The following IGF1R variants were observed in gnomAD, a reference collection of about 807,000 sequenced individuals.
IGF1R encodes insulin like growth factor 1 receptor.
A neutral mutation model predicts 144.6 loss-of-function variants in IGF1R; 44 were observed. That is an observed-to-expected ratio of 0.30 (90% CI 0.24 to 0.39). IGF1R has a LOEUF of 0.39. Among genes scored for constraint, IGF1R ranks in the 10% least tolerant of loss-of-function variants. The pLI, the probability that IGF1R is intolerant of heterozygous loss-of-function variation, is 1.00. For synonymous variants in IGF1R, 795 were observed against 722.8 expected, an observed-to-expected ratio of 1.10 and a Z score of -1.60; for missense variants, 1,355 against 1,833.7, an observed-to-expected ratio of 0.74 and a Z score of 4.77.
In IGF1R at chr15:98,935,657, C is replaced by T. The variant is rs1297680757; in HGVS notation, c.3297+231C>T. Reference sequence around the variant, plus strand: ...GTTCCTTGGATCCCCTCTGCTAAGCCCCTCTGTGCCTTTGTTCCTGCATTC... The same window carrying T: ...GTTCCTTGGATCCCCTCTGCTAAGCTCCTCTGTGCCTTTGTTCCTGCATTC... On this transcript the variant is annotated intron_variant, in intron 17 of 20. Transcript: ENST00000650285. The surrounding 1 kb of genome is among the most constrained non-coding windows in gnomAD (Gnocchi z 4.2). 1.3e-5 allele frequency among the ~76,000 whole-genome samples: 2 copies of T among 152,140 alleles called. No individual in the cohort carries two copies. Among genetic ancestry groups the T allele is most frequent in the Non-Finnish European group, 2.9e-5 (2 of 68,026 alleles).
At chr15:98,672,169 G>T (rs879331734) in intron 1 of IGF1R, among the ~76,000 whole-genome samples, 2 of 152,148 alleles carry the variant, frequency 1.3e-5, no homozygotes, top group Non-Finnish European at 2.9e-5. Flanking sequence ...AAAGAATTGG[G>T]AATATTTATG....
intron 2 of IGF1R, among the ~76,000 whole-genome samples, chr15:98,749,655 T>A (rs1456510411): frequency 6.6e-6 from 1 of 152,254 alleles, no homozygotes; most frequent in Non-Finnish European, 1.5e-5. Flanking sequence ...GAGCTGACAT[T>A]GTAATGACAT....
Position 98,919,905 on chromosome 15 carries a change from A to G in IGF1R, c.2202-2243A>G, listed in dbSNP as rs906278295. Reference sequence around the variant, plus strand: ...TTTCTTTCAGTTCATTCTGAGAACAATGTATTTGTGGGATAAAACCAGTTA... The same window carrying G: ...TTTCTTTCAGTTCATTCTGAGAACAGTGTATTTGTGGGATAAAACCAGTTA... On this transcript the variant is annotated intron_variant, in intron 10 of 20. Transcript: ENST00000650285. Among the ~76,000 whole-genome samples the G allele has an allele frequency of 3.3e-5, 5 of 152,340 alleles. No homozygotes were observed. In the East Asian group the frequency reaches 5.8e-4, roughly 18 times the overall value.
chr15:98,926,469 CA>C (rs1213020639), intron 13 of IGF1R, among the ~76,000 whole-genome samples: 2 of 151,998 alleles, frequency 1.3e-5, no homozygotes, highest in East Asian at 1.9e-4. Context: ...TCACCACACA[CA>C]AAAAAATGTG....
intron 1 of IGF1R, among the ~76,000 whole-genome samples, chr15:98,706,248 A>G (rs1469842755): frequency 6.6e-6 from 1 of 152,244 alleles, no homozygotes; most frequent in African/African-American, 2.4e-5. Context: ...GGTATCATAC[A>G]TGTTGGGTGC....
rs1167121523 is a variant in IGF1R at position 98,649,507 on chromosome 15, CTT to C, written c.-69_-68del. 10 of 1,037,396 alleles carry C rather than the reference CTT, an allele frequency of 9.6e-6. No homozygotes were observed. The highest frequency in any genetic ancestry group is 2.2e-4 in the Middle Eastern group (1 of 4,526). The allele number at this position is 1,037,396 out of a possible 1,614,324, so 64.3% of individuals were successfully genotyped here. ...TTTGAGACTTGTTTCCTTTCATTTCCTTTTTTTCTTTTCTTTTCTTTTTTTTT... is the reference window on the plus strand; with the variant it reads ...TTTGAGACTTGTTTCCTTTCATTTCCTTTTTCTTTTCTTTTCTTTTTTTTT... On this transcript the variant is annotated 5_prime_UTR_variant, in exon 1 of 21. Coordinates refer to ENST00000650285, the MANE Select transcript of IGF1R (RefSeq NM_000875.5).
At chr15:98,723,495 C>T (rs1434332004) in intron 2 of IGF1R, among the ~76,000 whole-genome samples, 2 of 152,216 alleles carry the variant, frequency 1.3e-5, no homozygotes, top group East Asian at 3.8e-4. Flanking sequence ...CATCTTTCAG[C>T]TCCTGGTACT....
At chr15:98,886,670 G>A (rs1270988268) in intron 2 of IGF1R, among the ~76,000 whole-genome samples, 2 of 152,166 alleles carry the variant, frequency 1.3e-5, no homozygotes, top group Non-Finnish European at 2.9e-5. Flanking sequence ...GAAATTCTCA[G>A]TTTTGGCGCT....
chr15:98,906,360 A>G (rs1045625207), intron 5 of IGF1R, among the ~76,000 whole-genome samples: 2 of 152,236 alleles, frequency 1.3e-5, no homozygotes, highest in Admixed American at 6.5e-5. Context: ...CTTCATCAAC[A>G]AGGAGATTTT....
At chr15:98,861,481 G>T (rs1278738685) in intron 2 of IGF1R, among the ~76,000 whole-genome samples, 1 of 152,164 alleles carries the variant, frequency 6.6e-6, no homozygotes, top group East Asian at 1.9e-4. Context: ...GCAGTTCTCA[G>T]GTTAGGCCCT....
At position 98,911,441 on chromosome 15, in the gene IGF1R, C is replaced by G; in HGVS notation, c.1589C>G (p.Ala530Gly). Residue 530 changes from alanine (A) to glycine (G), a missense_variant and splice_region_variant, in exon 7 of 21, where the codon GCA becomes GGA. Physicochemically the swap from Ala to Gly is moderately conservative, Grantham distance 60. Around this residue, in one of 7 missense-constraint regions of IGF1R, gnomAD observed 880 missense variants for 1,202.7 expected, o/e 0.73. Transcript: ENST00000650285. ...LISFTVYYKE[A>G]PFKNVTEYDG... The stretch of plus-strand genomic sequence containing the variant: ...AGCTTCACCGTTTACTACAAGGAAG[C>G]GTGAGTTTCTGCTTTGGGTGATGCC... The G allele has an allele frequency of 6.2e-7, 1 of 1,614,180 alleles. No individual in the cohort carries two copies. Among genetic ancestry groups the G allele is most frequent in the Non-Finnish European group, 8.5e-7 (1 of 1,180,016 alleles).
In IGF1R at chr15:98,948,604, C is replaced by T; in HGVS notation, c.3618C>T (p.Ala1206=). Residue 1206 remains alanine, a synonymous_variant, in exon 20 of 21, where the codon GCC becomes GCT. Transcript: ENST00000650285. ...WSFGVVLWEI[A]TLAEQPYQGL... Reference sequence around the variant, plus strand: ...TCGGGGTCGTCCTCTGGGAGATCGCCACACTGGCCGAGCAGCCCTACCAGG... The same window carrying T: ...TCGGGGTCGTCCTCTGGGAGATCGCTACACTGGCCGAGCAGCCCTACCAGG... The T allele has an allele frequency of 6.2e-7, 1 of 1,614,112 alleles. No homozygotes were observed. The highest frequency in any genetic ancestry group is 8.5e-7 in the Non-Finnish European group (1 of 1,180,018).
chr15:98,905,090 G>A (rs1269935572), intron 5 of IGF1R, among the ~76,000 whole-genome samples: 4 of 152,210 alleles, frequency 2.6e-5, no homozygotes, highest in African/African-American at 4.8e-5. Flanking sequence ...AAATGCTGGA[G>A]ATGAGGCTCA....
chr15:98,760,063 G>T (rs886315872), intron 2 of IGF1R, among the ~76,000 whole-genome samples: 1 of 152,014 alleles, frequency 6.6e-6, no homozygotes, highest in African/African-American at 2.4e-5. Context: ...CATCTGACTG[G>T]GCGCGGTGGC....
In IGF1R at chr15:98,760,516, T is replaced by C. The variant is rs538492221; in HGVS notation, c.640+52409T>C. Among the ~76,000 whole-genome samples, 4 of 152,368 alleles carry C rather than the reference T, an allele frequency of 2.6e-5. No homozygotes were observed. The East Asian group carries it at 7.7e-4, about 29-fold the overall frequency. ...TAACGATAGCTGTAATACAAGTGCC[T>C]TTATTTACTGTGAGACTTGAACATT... On this transcript the variant is annotated intron_variant, in intron 2 of 20. Coordinates refer to ENST00000650285, the MANE Select transcript of IGF1R (RefSeq NM_000875.5).
At chr15:98,822,986 T>G (rs1049940185) in intron 2 of IGF1R, among the ~76,000 whole-genome samples, 1 of 152,222 alleles carries the variant, frequency 6.6e-6, no homozygotes, top group Non-Finnish European at 1.5e-5. Flanking sequence ...AAACAAACTT[T>G]GAGGATTTTT....
Position 98,913,054 on chromosome 15 carries a change from A to G in IGF1R, c.1600A>G (p.Asn534Asp), listed in dbSNP as rs1464036552. Reference sequence around the variant, plus strand: ...TTAATTGTCTTTCAGACCCTTTAAGAATGTCACAGAGTATGATGGGCAGGA... The same window carrying G: ...TTAATTGTCTTTCAGACCCTTTAAGGATGTCACAGAGTATGATGGGCAGGA... Reference protein sequence around the residue: ...TVYYKEAPFKNVTEYDGQDAC... With the variant: ...TVYYKEAPFKDVTEYDGQDAC... The change falls in exon 8 of 21, where the codon AAT becomes GAT. Residue 534 changes from asparagine to aspartate, a missense_variant. This residue lies in a region of IGF1R where 880 missense variants were observed against 1,202.7 expected (regional missense o/e 0.73). Coordinates refer to ENST00000650285, the MANE Select transcript of IGF1R (RefSeq NM_000875.5). 3 of 1,612,906 alleles carry G rather than the reference A, an allele frequency of 1.9e-6. No individual in the cohort carries two copies. The highest frequency in any genetic ancestry group is 2.5e-6 in the Non-Finnish European group (3 of 1,178,952).
At chr15:98,672,569 C>CAAAAAAA (rs60559912) in intron 1 of IGF1R, among the ~76,000 whole-genome samples, 1 of 61,670 alleles carries the variant, frequency 1.6e-5, no homozygotes, top group African/African-American at 4.5e-5. Flanking sequence ...GACTCCATCT[C>CAAAAAAA]AAAAAAAAAA....
chr15:98,916,195 C>T (rs2015237412), intron 9 of IGF1R, 64 bp downstream of exon 9: 1 of 1,498,366 alleles, frequency 6.7e-7, no homozygotes. Context: ...TGTAATGTGC[C>T]TGAGCCCTAA....
Sources: allele counts gnomAD v4.1 joint callset (sites outside exome capture counted in the v4.1 genomes callset), GRCh38; gene constraint gnomAD v4.1.1; regional missense constraint gnomAD v4.1.1; non-coding constraint Gnocchi (gnomAD v3.1); transcripts MANE v1.5; gene names NCBI Gene and HGNC (gene_info 2026-07-23, HGNC 2026-07-21).